The following ITFG1 variants were observed in gnomAD, a reference collection of about 807,000 sequenced individuals.
ITFG1 encodes integrin alpha FG-GAP repeat containing 1.
In ITFG1, 34 loss-of-function variants were observed where a neutral mutation model predicts 81.8. That is an observed-to-expected ratio of 0.42 (90% CI 0.32 to 0.55). The LOEUF (loss-of-function observed/expected upper bound fraction) is 0.55, where lower values mean the gene tolerates loss of function less well. Ranked by LOEUF, ITFG1 falls within the 20% of genes least tolerant of loss-of-function variation. The pLI is 0.17. For synonymous variants in ITFG1, 285 were observed against 270.6 expected, an observed-to-expected ratio of 1.05 and a Z score of -0.52; for missense variants, 672 against 755.4, an observed-to-expected ratio of 0.89 and a Z score of 1.29.
intron 12 of ITFG1, among the ~76,000 whole-genome samples, chr16:47,256,253 G>T (rs1316684642): frequency 6.6e-6 from 1 of 151,666 alleles, no homozygotes; most frequent in East Asian, 1.9e-4. Flanking sequence ...ATTTTTTTTT[G>T]AGATGTTTTC....
At chr16:47,230,753 T>C (rs898560043) in intron 13 of ITFG1, among the ~76,000 whole-genome samples, 6 of 152,156 alleles carry the variant, frequency 3.9e-5, no homozygotes, top group Non-Finnish European at 8.8e-5. Context: ...CAAATTGTTA[T>C]TATTATTATT....
intron 8 of ITFG1, among the ~76,000 whole-genome samples, chr16:47,336,881 T>C (rs1967711015): frequency 6.6e-6 from 1 of 151,084 alleles, no homozygotes; most frequent in Non-Finnish European, 1.5e-5. Flanking sequence ...AAGAATTGTC[T>C]GAACCCAGGA....
intron 10 of ITFG1, among the ~76,000 whole-genome samples, chr16:47,268,489 T>A (rs1440549883): frequency 6.6e-6 from 1 of 152,214 alleles, no homozygotes; most frequent in South Asian, 2.1e-4. Flanking sequence ...GAGAAAGACA[T>A]ACTTCCCAAC....
intron 14 of ITFG1, among the ~76,000 whole-genome samples, chr16:47,214,961 C>CAT (rs1491536663): frequency 6.0e-5 from 9 of 150,242 alleles, no homozygotes; most frequent in Admixed American, 5.3e-4. Context: ...CACACACACA[C>CAT]GCACGCACAA....
chr16:47,286,932 A>C (rs1966871916), intron 10 of ITFG1, among the ~76,000 whole-genome samples: 1 of 152,218 alleles, frequency 6.6e-6, no homozygotes, highest in Admixed American at 6.5e-5. Flanking sequence ...GTAAACTTAC[A>C]AAATCTATAT....
chr16:47,256,530 A>C (rs1966141644), intron 12 of ITFG1, among the ~76,000 whole-genome samples: 1 of 152,222 alleles, frequency 6.6e-6, no homozygotes, highest in Non-Finnish European at 1.5e-5. Flanking sequence ...TCAACTCCAA[A>C]ATTAACATCA....
At chr16:47,390,419 C>T (rs1051585483) in intron 6 of ITFG1, among the ~76,000 whole-genome samples, 2 of 152,046 alleles carry the variant, frequency 1.3e-5, no homozygotes, top group Non-Finnish European at 2.9e-5. Flanking sequence ...GACATAACTT[C>T]GGAATGAAAT....
chr16:47,349,832 T>C (rs1967922796), intron 8 of ITFG1, among the ~76,000 whole-genome samples: 1 of 152,162 alleles, frequency 6.6e-6, no homozygotes, highest in Non-Finnish European at 1.5e-5. Flanking sequence ...TCAGCAAATG[T>C]AGAAGAACAG....
chr16:47,452,193 G>GA (rs1438255973), intron 4 of ITFG1, among the ~76,000 whole-genome samples: 2 of 152,168 alleles, frequency 1.3e-5, no homozygotes, highest in Non-Finnish European at 2.9e-5. Context: ...CTGGAAACAA[G>GA]AATGTGGCCA....
chr16:47,272,536 C>T (rs1966353850), intron 10 of ITFG1, among the ~76,000 whole-genome samples: 1 of 152,056 alleles, frequency 6.6e-6, no homozygotes, highest in African/African-American at 2.4e-5. Flanking sequence ...GCTGGGATTA[C>T]AGGCACGCGC....
intron 12 of ITFG1, among the ~76,000 whole-genome samples, chr16:47,243,146 T>C (rs1965956831): frequency 6.6e-6 from 1 of 152,180 alleles, no homozygotes; most frequent in Non-Finnish European, 1.5e-5. Context: ...TTAAATTATG[T>C]TGTAACCATA....
chr16:47,322,893 G>C (rs999788745), intron 8 of ITFG1, among the ~76,000 whole-genome samples: 1 of 152,036 alleles, frequency 6.6e-6, no homozygotes, highest in Non-Finnish European at 1.5e-5. Context: ...GTGAATACTT[G>C]GCCATCAGAA....
chr16:47,227,190 A>C (rs1006297556), intron 13 of ITFG1, among the ~76,000 whole-genome samples: 1 of 152,202 alleles, frequency 6.6e-6, no homozygotes, highest in Non-Finnish European at 1.5e-5. Context: ...TTACCTCCAT[A>C]TGAATGTTTA....
At chr16:47,393,970 A>T (rs1250277566) in intron 6 of ITFG1, among the ~76,000 whole-genome samples, 1 of 152,214 alleles carries the variant, frequency 6.6e-6, no homozygotes, top group African/African-American at 2.4e-5. Context: ...GACTCATCCT[A>T]AAGGATAACT....
intron 8 of ITFG1, among the ~76,000 whole-genome samples, chr16:47,355,165 T>TA (rs1016741339): frequency 4.0e-5 from 6 of 150,828 alleles, no homozygotes; most frequent in South Asian, 4.2e-4. Context: ...TATGAATGGA[T>TA]AAAAAAAAAT....
In ITFG1 at chr16:47,345,815, G is replaced by A. The variant is rs142713523; in HGVS notation, c.802+19973C>T. On this transcript the variant is annotated intron_variant, in intron 8 of 17. Coordinates refer to ENST00000320640, the MANE Select transcript of ITFG1 (RefSeq NM_030790.5). The stretch of plus-strand genomic sequence containing the variant: ...ATTTCATGGGACTACCATTGTATAT[G>A]CGGTCCGTGGTTGACCAAAATGGCA... Among the ~76,000 whole-genome samples the A allele has an allele frequency of 7.1e-3, 1,084 of 152,288 alleles. 17 individuals are homozygous for A. Among genetic ancestry groups the A allele is most frequent in the African/African-American group, 0.025 (1,039 of 41,564 alleles).
chr16:47,459,113 C>A lies in ITFG1; in HGVS notation c.271G>T (p.Val91Leu). ...CATATTTGTACTTACTTGAAAGATACCTTTACTTTGGGTTTAAAATAGGGT... is the reference window on the plus strand; with the variant it reads ...CATATTTGTACTTACTTGAAAGATAACTTTACTTTGGGTTTAAAATAGGGT... ...NAPYFKPKVK[V>L]SFKNHSALIT... The change falls in exon 2 of 18, where the codon GTA (valine) becomes TTA (leucine). Residue 91 changes from valine to leucine, a missense_variant. Coordinates refer to ENST00000320640, the MANE Select transcript of ITFG1 (RefSeq NM_030790.5). The A allele has an allele frequency of 1.9e-6, 3 of 1,575,582 alleles. No individual in the cohort carries two copies. The highest frequency in any genetic ancestry group is 1.7e-4 in the Middle Eastern group (1 of 5,980).
chr16:47,396,115 A>G (rs1052205395), intron 6 of ITFG1: 4 of 969,248 alleles, frequency 4.1e-6, no homozygotes, highest in Non-Finnish European at 4.9e-6. Context: ...ATCCCTTTCC[A>G]TTTTCTTAAG....
intron 8 of ITFG1, among the ~76,000 whole-genome samples, chr16:47,326,011 G>C (rs1967534196): frequency 6.6e-6 from 1 of 152,074 alleles, no homozygotes; most frequent in African/African-American, 2.4e-5. Context: ...GCCTGGCAGA[G>C]ACACAACAAA....
Sources: allele counts gnomAD v4.1 joint callset (sites outside exome capture counted in the v4.1 genomes callset), GRCh38; gene constraint gnomAD v4.1.1; transcripts MANE v1.5; gene names NCBI Gene and HGNC (gene_info 2026-07-23, HGNC 2026-07-21).